Variants in ARHGEF28 observed in about 807,000 individuals in gnomAD.
ARHGEF28 encodes Rho guanine nucleotide exchange factor 28.
A neutral mutation model predicts 206.6 loss-of-function variants in ARHGEF28; 152 were observed. That is an observed-to-expected ratio of 0.74 (90% CI 0.64 to 0.84). The LOEUF is 0.84. Ranked by LOEUF, ARHGEF28 falls within the 40% of genes least tolerant of loss-of-function variation. The probability of loss-of-function intolerance (pLI) is 0.00; values close to 1 mark genes in which losing one functional copy is unlikely to be tolerated. For missense variants in ARHGEF28, 2,028 were observed against 2,073.2 expected, an observed-to-expected ratio of 0.98 and a Z score of 0.42; for synonymous variants, 763 against 776.4, an observed-to-expected ratio of 0.98 and a Z score of 0.29.
At chr5:73,849,788 C>G (rs1442011512) in intron 13 of ARHGEF28, among the ~76,000 whole-genome samples, 1 of 151,846 alleles carries the variant, frequency 6.6e-6, no homozygotes, top group Admixed American at 6.6e-5. Flanking sequence ...TCACCTGCCC[C>G]CATTTTGAAA....
At chr5:73,926,526 G>A (rs365084) in intron 35 of ARHGEF28, among the ~76,000 whole-genome samples, 13,597 of 151,990 alleles carry the variant, frequency 0.089, 712 homozygotes, top group East Asian at 0.19. Context: ...ACAAATACAT[G>A]TTTCAGCCAA....
rs765294691 is a variant in ARHGEF28 at position 73,840,620 on chromosome 5, T to C, written c.1287T>C (p.Leu429=). Residue 429 remains leucine, a synonymous_variant, in exon 11 of 36, where the codon CTT becomes CTC. Transcript: ENST00000513042. The part of the protein sequence containing the change: ...PTETSPSVYP[L]SENVEGTAHT... Reference sequence around the variant, plus strand: ...AAACCAGTCCCAGTGTGTACCCACTTAGTGAAAATGTCGAAGGGACAGCAC... The same window carrying C: ...AAACCAGTCCCAGTGTGTACCCACTCAGTGAAAATGTCGAAGGGACAGCAC... 6.2e-7 allele frequency: 1 copy of C among 1,613,958 alleles called. No homozygotes were observed. The highest frequency in any genetic ancestry group is 8.5e-7 in the Non-Finnish European group (1 of 1,179,874).
At chr5:73,890,236 T>C (rs1379539596) in intron 26 of ARHGEF28, among the ~76,000 whole-genome samples, 1 of 152,194 alleles carries the variant, frequency 6.6e-6, no homozygotes, top group Non-Finnish European at 1.5e-5. Flanking sequence ...TTCTTCACTT[T>C]GAAAAGATCT....
chr5:73,872,040 C>T (rs559575705), intron 21 of ARHGEF28, among the ~76,000 whole-genome samples: 14 of 152,220 alleles, frequency 9.2e-5, no homozygotes, highest in South Asian at 4.1e-4. Flanking sequence ...AGTAGCTTTA[C>T]GTTTAATCAC....
intron 14 of ARHGEF28, 68 bp from the exon 15 acceptor site, chr5:73,857,582 CACACAT>C (rs57678786): frequency 0.014 from 20,107 of 1,398,118 alleles, 93 homozygotes; most frequent in Middle Eastern, 0.027. Flanking sequence ...CACACACACA[CACACAT>C]ACACACACAC....
chr5:73,872,926 T>G, intron 21 of ARHGEF28, 73 bp from the exon 22 acceptor site: 4 of 1,541,620 alleles, frequency 2.6e-6, no homozygotes, highest in Non-Finnish European at 3.5e-6. Context: ...AGTGTTGAGT[T>G]ACTAATTTAG....
At chr5:73,782,178 C>A (rs1393319300) in intron 7 of ARHGEF28, among the ~76,000 whole-genome samples, 2 of 150,856 alleles carry the variant, frequency 1.3e-5, no homozygotes, top group African/African-American at 2.4e-5. Context: ...GTGGCTCACA[C>A]CTGTAATCCC....
chr5:73,697,122 T>C lies in ARHGEF28; in HGVS notation c.33+12238T>C, dbSNP rs1313985272. On this transcript the variant is annotated intron_variant, in intron 2 of 35. Transcript: ENST00000513042. ...AAAAATTAAGGAAGTCTTTTCGAGG[T>C]AGACAATTCCTGGCTGAGAACTAGA... is the stretch of plus-strand genomic sequence containing the variant. Among the ~76,000 whole-genome samples, 4 of 152,224 alleles carry C rather than the reference T, an allele frequency of 2.6e-5. No homozygotes were observed. In the East Asian group the frequency reaches 5.8e-4, roughly 22 times the overall value.
chr5:73,904,121 T>A, intron 31 of ARHGEF28, 101 bp from the exon 32 acceptor site: 1 of 1,151,198 alleles, frequency 8.7e-7, no homozygotes, highest in Non-Finnish European at 1.3e-6. Context: ...AGTTTAGAGA[T>A]AGCAAAGTGA....
intron 33 of ARHGEF28, among the ~76,000 whole-genome samples, chr5:73,907,104 CTTAGG>C (rs1762597384): frequency 6.6e-6 from 1 of 152,110 alleles, no homozygotes; most frequent in Non-Finnish European, 1.5e-5. Flanking sequence ...CTTTTAGTGT[CTTAGG>C]TTAGATGTGA....
chr5:73,837,533 T>G (rs778877835), intron 10 of ARHGEF28, among the ~76,000 whole-genome samples: 2 of 152,078 alleles, frequency 1.3e-5, no homozygotes, highest in African/African-American at 2.4e-5. Context: ...GTAACTATAG[T>G]ATTTCCATTT....
rs1184302934 is a variant in ARHGEF28, at chr5:73,909,591, C to G, written c.4341C>G (p.Leu1447=). ...ATGTGCACCAGCTTCAGCACCAGCTCCAGCAGGAGCAGCGGCGCTGGCTGC... is the reference window on the plus strand; with the variant it reads ...ATGTGCACCAGCTTCAGCACCAGCTGCAGCAGGAGCAGCGGCGCTGGCTGC... ...LANVHQLQHQ[L]QQEQRRWLRR... is the part of the protein sequence containing the mutation. Residue 1447 remains leucine (L), a synonymous_variant, in exon 34 of 36, where the codon CTC becomes CTG. Transcript: ENST00000513042. 3 of 1,559,130 alleles carry G rather than the reference C, an allele frequency of 1.9e-6. No homozygotes were observed. Among genetic ancestry groups the G allele is most frequent in the Non-Finnish European group, 2.6e-6 (3 of 1,151,874 alleles).
At chr5:73,766,160 A>AAAAAAC (rs1561388754) in intron 4 of ARHGEF28, among the ~76,000 whole-genome samples, 51 of 151,798 alleles carry the variant, frequency 3.4e-4, no homozygotes, top group Non-Finnish European at 5.7e-4. Flanking sequence ...TCTCAAAAAA[A>AAAAAAC]AAAAAACAAA....
At chr5:73,832,102 C>T (rs768460906) in intron 9 of ARHGEF28, among the ~76,000 whole-genome samples, 15 of 152,312 alleles carry the variant, frequency 9.8e-5, no homozygotes, top group Admixed American at 2.0e-4. Flanking sequence ...GGGAAAATAA[C>T]GCTTGAAGTG....
intron 4 of ARHGEF28, among the ~76,000 whole-genome samples, chr5:73,754,079 A>G (rs1053006497): frequency 1.3e-5 from 2 of 152,018 alleles, no homozygotes; most frequent in African/African-American, 4.8e-5. Context: ...TTTTTTTGCT[A>G]TCCTTCCTGT....
intron 1 of ARHGEF28, among the ~76,000 whole-genome samples, chr5:73,684,301 C>T (rs1266295274): frequency 6.6e-6 from 1 of 152,154 alleles, no homozygotes; most frequent in Non-Finnish European, 1.5e-5. Context: ...TATCTAGGTA[C>T]CTCATATAAG....
chr5:73,638,098 G>A (rs947381787), intron 1 of ARHGEF28, among the ~76,000 whole-genome samples: 1 of 152,212 alleles, frequency 6.6e-6, no homozygotes, highest in Non-Finnish European at 1.5e-5. Context: ...ACCACAAACT[G>A]TAGCACTTGC....
chr5:73,893,587 G>A (rs1217501362), intron 28 of ARHGEF28, among the ~76,000 whole-genome samples: 1 of 152,232 alleles, frequency 6.6e-6, no homozygotes, highest in Non-Finnish European at 1.5e-5. Flanking sequence ...TTTAATTTTA[G>A]GTCTCAGCAC....
chr5:73,845,441 A>G (rs528676512), intron 11 of ARHGEF28, among the ~76,000 whole-genome samples: 1 of 152,092 alleles, frequency 6.6e-6, no homozygotes, highest in South Asian at 2.1e-4. Flanking sequence ...ACCTTCACAC[A>G]TCTCTCCTTG....
Sources: allele counts gnomAD v4.1 joint callset (sites outside exome capture counted in the v4.1 genomes callset), GRCh38; gene constraint gnomAD v4.1.1; transcripts MANE v1.5; gene names NCBI Gene and HGNC (gene_info 2026-07-23, HGNC 2026-07-21).